The following MEIKIN variants were observed in gnomAD, a reference collection of about 807,000 sequenced individuals.
MEIKIN encodes the protein meiosis-specific kinetochore protein.
At chr5:131,885,434 A>AGAGAGAGAGAGAG (rs1750777020) in intron 8 of MEIKIN, among the ~76,000 whole-genome samples, 2 of 123,048 alleles carry the variant, frequency 1.6e-5, no homozygotes, top group Non-Finnish European at 1.8e-5. Flanking sequence ...ATTGAGATTG[A>AGAGAGAGAGAGAG]TTCTGTTTGT....
intron 8 of MEIKIN, among the ~76,000 whole-genome samples, chr5:131,896,500 T>A (rs950191706): frequency 2.0e-5 from 3 of 152,184 alleles, no homozygotes; most frequent in Non-Finnish European, 4.4e-5. Context: ...CTCCCATTAT[T>A]ATTGTGTGGG....
At chr5:131,819,047 T>G (rs1011939846) in intron 11 of MEIKIN, among the ~76,000 whole-genome samples, 184 bp from the exon 12 acceptor site, 1 of 152,162 alleles carries the variant, frequency 6.6e-6, no homozygotes, top group Non-Finnish European at 1.5e-5. Flanking sequence ...TCATTTAATA[T>G]TCACAAGAAC....
At chr5:131,941,347 C>T (rs571610574) in intron 4 of MEIKIN, among the ~76,000 whole-genome samples, 39 of 151,246 alleles carry the variant, frequency 2.6e-4, no homozygotes, top group Middle Eastern at 3.4e-3. Context: ...TTAGTAGAGA[C>T]GGGGTTTCAC....
intron 6 of MEIKIN, 139 bp from the exon 7 acceptor site, chr5:131,917,064 G>A (rs755913030): frequency 2.4e-5 from 9 of 369,508 alleles, no homozygotes; most frequent in Non-Finnish European, 3.8e-5. Context: ...CTTAAATTAG[G>A]TAAAAATATT....
intron 11 of MEIKIN, among the ~76,000 whole-genome samples, chr5:131,829,840 G>GA: frequency 6.6e-6 from 1 of 152,274 alleles, no homozygotes; most frequent in East Asian, 1.9e-4. Context: ...GAAGATAGAA[G>GA]AAAGTGCCTC....
chr5:131,846,351 G>C (rs1443490420), intron 11 of MEIKIN, among the ~76,000 whole-genome samples: 1 of 152,014 alleles, frequency 6.6e-6, no homozygotes, highest in Non-Finnish European at 1.5e-5. Context: ...TCTAAATAAA[G>C]GCAAATAGAA....
intron 11 of MEIKIN, among the ~76,000 whole-genome samples, chr5:131,846,254 G>C (rs895057953): frequency 6.6e-6 from 1 of 152,162 alleles, no homozygotes; most frequent in East Asian, 1.9e-4. Flanking sequence ...CACTAGATTT[G>C]CCCTGCAAGA....
chr5:131,899,733 T>C (rs368213404), intron 8 of MEIKIN, among the ~76,000 whole-genome samples: 2 of 152,140 alleles, frequency 1.3e-5, no homozygotes, highest in South Asian at 4.1e-4. Flanking sequence ...GAAGGTTATA[T>C]ATAATGATAA....
At chr5:131,899,061 C>A (rs1477701009) in intron 8 of MEIKIN, among the ~76,000 whole-genome samples, 4 of 152,198 alleles carry the variant, frequency 2.6e-5, no homozygotes, top group African/African-American at 4.8e-5. Context: ...CATCTTGGAA[C>A]TGACCTCTAC....
At chr5:131,939,401 A>T (rs1751833266) in intron 4 of MEIKIN, among the ~76,000 whole-genome samples, 1 of 151,648 alleles carries the variant, frequency 6.6e-6, no homozygotes, top group African/African-American at 2.4e-5. Context: ...TGTTAGGTCA[A>T]TTATAATTCA....
At chr5:131,808,971 C>A (rs1420276899) in intron 12 of MEIKIN, among the ~76,000 whole-genome samples, 4 of 152,100 alleles carry the variant, frequency 2.6e-5, no homozygotes, top group Non-Finnish European at 5.9e-5. Flanking sequence ...AGCTACGTGG[C>A]AGAATCGCTG....
chr5:131,910,390 T>C (rs996864610), intron 8 of MEIKIN, among the ~76,000 whole-genome samples: 2 of 151,872 alleles, frequency 1.3e-5, no homozygotes, highest in African/African-American at 2.4e-5. Context: ...CTCGTGGAGA[T>C]AGAGAATAGA....
At position 131,817,454 on chromosome 5, in the gene MEIKIN, A is replaced by C. The variant is rs1178529865; in HGVS notation, c.1099+1286T>G. Among the ~76,000 whole-genome samples, 6 of 151,978 alleles carry C rather than the reference A, an allele frequency of 3.9e-5. No homozygotes were observed. The South Asian group carries it at 8.3e-4, about 21-fold the overall frequency. The stretch of plus-strand genomic sequence containing the variant: ...ATGAAACCCCATCTCTACTGAAAAT[A>C]CAAAAAAAAAAATTAGCCGGGCGTG... On this transcript the variant is annotated intron_variant, in intron 12 of 12. Transcript: ENST00000442687.
At chr5:131,887,860 TC>T (rs1750829677) in intron 8 of MEIKIN, among the ~76,000 whole-genome samples, 1 of 75,466 alleles carries the variant, frequency 1.3e-5, no homozygotes, top group Non-Finnish European at 2.5e-5. Context: ...CCTCACCCCC[TC>T]CCCCCACCCC....
chr5:131,822,602 CT>C (rs1749534630), intron 11 of MEIKIN, among the ~76,000 whole-genome samples: 1 of 152,094 alleles, frequency 6.6e-6, no homozygotes, highest in African/African-American at 2.4e-5. Flanking sequence ...TGCTTTTTAA[CT>C]TTTTGTTTTT....
intron 8 of MEIKIN, among the ~76,000 whole-genome samples, chr5:131,888,459 A>C (rs1310510622): frequency 1.3e-5 from 2 of 152,196 alleles, no homozygotes; most frequent in Non-Finnish European, 2.9e-5. Context: ...TCTGATGGCC[A>C]GTGATGATGA....
chr5:131,911,463 T>C (rs1046273316), intron 8 of MEIKIN, among the ~76,000 whole-genome samples: 1 of 151,946 alleles, frequency 6.6e-6, no homozygotes, highest in Non-Finnish European at 1.5e-5. Context: ...TCAATCATTA[T>C]GCATAACTAC....
intron 11 of MEIKIN, among the ~76,000 whole-genome samples, chr5:131,842,995 C>T (rs577691460): frequency 7.4e-4 from 112 of 152,344 alleles, no homozygotes; most frequent in South Asian, 6.0e-3. Context: ...CAAACCTCAA[C>T]TCTTGCCTTC....
Position 131,886,595 on chromosome 5 carries a change from C to A in MEIKIN, c.704-7547G>T, listed in dbSNP as rs535667988. On this transcript the variant is annotated intron_variant, in intron 8 of 12. Coordinates refer to ENST00000442687, the MANE Select transcript of MEIKIN (RefSeq NM_001303622.2). The stretch of plus-strand genomic sequence containing the variant: ...AGCACCAAGGAGAATCACAGACCTT[C>A]CCACAAACAAAAGCTGAGGGATGTC... Among the ~76,000 whole-genome samples the A allele has an allele frequency of 7.2e-5, 11 of 152,232 alleles. No homozygotes were observed. In the South Asian group the frequency reaches 2.3e-3, roughly 32 times the overall value.
Sources: allele counts gnomAD v4.1 joint callset (sites outside exome capture counted in the v4.1 genomes callset), GRCh38; gene constraint gnomAD v4.1.1; transcripts MANE v1.5; gene names NCBI Gene and HGNC (gene_info 2026-07-23, HGNC 2026-07-21).